Variants in RNF7 observed in about 807,000 individuals in gnomAD.
RNF7 encodes the protein RING-box protein 2.
In RNF7, 9 loss-of-function variants were observed where a neutral mutation model predicts 17.0. That is an observed-to-expected ratio of 0.53 (90% CI 0.32 to 0.92). The LOEUF is 0.92. RNF7 is among the 40% of genes least tolerant of loss of function. RNF7 has a pLI of 0.04. For synonymous variants in RNF7, 59 were observed against 50.5 expected, an observed-to-expected ratio of 1.17 and a Z score of -0.72; for missense variants, 87 against 145.8, an observed-to-expected ratio of 0.60 and a Z score of 2.08.
intron 1 of RNF7, chr3:141,742,661 C>T (rs1170694387): frequency 6.1e-6 from 7 of 1,143,896 alleles, no homozygotes; most frequent in African/African-American, 1.6e-5. Flanking sequence ...AATTGGAGTT[C>T]GTAATTGGTC....
intron 2 of RNF7, 115 bp downstream of exon 2, chr3:141,743,671 A>G (rs1387859187): frequency 4.2e-6 from 3 of 721,444 alleles, no homozygotes; most frequent in Non-Finnish European, 6.9e-6. Context: ...ACTGTAAAGC[A>G]GTGATCCATT....
intron 2 of RNF7, 21 bp downstream of exon 2, chr3:141,743,577 C>T (rs2084442816): frequency 1.3e-6 from 2 of 1,589,794 alleles, no homozygotes; most frequent in Admixed American, 3.6e-5. Context: ...ATTTTGTTCT[C>T]TTGCTTTTTC....
At chr3:141,740,458 C>T (rs1483410604) in intron 1 of RNF7, among the ~76,000 whole-genome samples, 5 of 152,142 alleles carry the variant, frequency 3.3e-5, no homozygotes, top group African/African-American at 1.2e-4. Context: ...ATAAATGACA[C>T]ATTTCATCAT....
intron 1 of RNF7, 90 bp downstream of exon 1, chr3:141,738,606 C>T (rs973580617): frequency 2.8e-5 from 37 of 1,344,496 alleles, no homozygotes; most frequent in Non-Finnish European, 3.3e-5. Flanking sequence ...TCAGAAGCCT[C>T]GGAAAGTGCC....
In RNF7 at chr3:141,746,743, T is replaced by A. The variant is rs907278929; in HGVS notation, c.*1466T>A. 6.6e-6 allele frequency: 1 copy of A among 152,066 alleles called. No homozygotes were observed. The highest frequency in any genetic ancestry group is 2.1e-4 in the South Asian group (1 of 4,822). The allele number at this position is 152,066 out of a possible 1,614,324, so 9.4% of individuals were successfully genotyped here. On this transcript the variant is annotated 3_prime_UTR_variant, in exon 3 of 3. Transcript: ENST00000273480. ...AATTTTTCAATCTAAGGGATGTGGA[T>A]ACATAGAATGTTTAAAAAGATAACA...
rs76285412 is a variant in RNF7 at position 141,745,873 on chromosome 3, C to T, written c.*596C>T. On this transcript the variant is annotated 3_prime_UTR_variant, in exon 3 of 3. Coordinates refer to ENST00000273480, the MANE Select transcript of RNF7 (RefSeq NM_014245.5). The stretch of plus-strand genomic sequence containing the variant: ...TGCCTTTAAAGTTACTATTCTGTAT[C>T]ATTGATTCATCAAGAAAACCTAGAT... 2 of 151,974 alleles carry T rather than the reference C, an allele frequency of 1.3e-5. No individual in the cohort carries two copies. Among genetic ancestry groups the T allele is most frequent in the South Asian group, 4.2e-4 (2 of 4,814 alleles). The allele number at this position is 151,974 out of a possible 1,614,324, so 9.4% of individuals were successfully genotyped here. A position where few individuals can be genotyped will look rare whatever the true frequency, so the allele number is the denominator to read the frequency against.
intron 1 of RNF7, among the ~76,000 whole-genome samples, chr3:141,741,596 T>C (rs183061681): frequency 3.2e-4 from 49 of 152,350 alleles, no homozygotes; most frequent in Non-Finnish European, 4.7e-4. Context: ...CAAACTTCCT[T>C]TTACCCAACT....
At chr3:141,742,529 A>T (rs980168848) in intron 1 of RNF7, 34 of 885,666 alleles carry the variant, frequency 3.8e-5, no homozygotes, top group Non-Finnish European at 5.2e-5. Context: ...CAAAGAAAAA[A>T]CCTTAGTGTT....
chr3:141,740,617 C>T (rs1425767986), intron 1 of RNF7, among the ~76,000 whole-genome samples: 1 of 152,194 alleles, frequency 6.6e-6, no homozygotes, highest in Non-Finnish European at 1.5e-5. Context: ...GGTCAGGTGA[C>T]AGCAGAAGGA....
intron 1 of RNF7, among the ~76,000 whole-genome samples, chr3:141,740,741 T>A (rs1577898364): frequency 6.6e-6 from 1 of 152,252 alleles, no homozygotes; most frequent in African/African-American, 2.4e-5. Flanking sequence ...AGCAATTTTT[T>A]ATCTTTTATC....
intron 1 of RNF7, among the ~76,000 whole-genome samples, chr3:141,739,348 A>C (rs566852403): frequency 1.2e-4 from 19 of 152,132 alleles, no homozygotes; most frequent in Non-Finnish European, 2.4e-4. Context: ...TCTTTCTGTG[A>C]TATTTTGAGT....
At chr3:141,738,744 G>GCGC (rs1391115674) in intron 1 of RNF7, among the ~76,000 whole-genome samples, 2 of 152,272 alleles carry the variant, frequency 1.3e-5, no homozygotes, top group African/African-American at 4.8e-5. Context: ...CAGGCGCCCT[G>GCGC]CGCCGGGTGG....
At chr3:141,740,000 T>G (rs1300509457) in intron 1 of RNF7, among the ~76,000 whole-genome samples, 1 of 152,126 alleles carries the variant, frequency 6.6e-6, no homozygotes, top group African/African-American at 2.4e-5. Flanking sequence ...ACTGCCACTA[T>G]ACTCCAGCTT....
chr3:141,742,004 A>T (rs115219219), intron 1 of RNF7, among the ~76,000 whole-genome samples: 1,582 of 151,818 alleles, frequency 0.01, 41 homozygotes, highest in African/African-American at 0.034. Context: ...TTTTAAAAAA[A>T]CTTTTAGGTT....
intron 1 of RNF7, 75 bp downstream of exon 1, chr3:141,738,591 G>A (rs2084382268): frequency 6.2e-6 from 9 of 1,449,286 alleles, no homozygotes; most frequent in South Asian, 1.4e-5. Context: ...AGGGACGGGC[G>A]TCCGTCAGAA....
intron 2 of RNF7, 152 bp from the exon 3 acceptor site, chr3:141,745,007 T>C: frequency 2.0e-6 from 1 of 509,128 alleles, no homozygotes; most frequent in Non-Finnish European, 3.6e-6. Flanking sequence ...CACATTTAAG[T>C]TTCTGTTTCT....
At chr3:141,744,859 G>C (rs1262590499) in intron 2 of RNF7, among the ~76,000 whole-genome samples, 1 of 152,138 alleles carries the variant, frequency 6.6e-6, no homozygotes, top group Non-Finnish European at 1.5e-5. Context: ...ATCTAAGGAA[G>C]GTTCAAGAAC....
At position 141,745,248 on chromosome 3, in the gene RNF7, G is replaced by A; in HGVS notation, c.313G>A (p.Asp105Asn). ...CAATCGCTGCCCTCTCTGCCAGCAG[G>A]ACTGGGTGGTCCAAAGAATCGGCAA... is the stretch of plus-strand genomic sequence containing the variant. ...QNNRCPLCQQDWVVQRIGK is the reference protein window; with the variant it reads ...QNNRCPLCQQNWVVQRIGK The change falls in exon 3 of 3, where the codon GAC becomes AAC. Residue 105 changes from aspartate to asparagine, a missense_variant. This residue lies in a region of RNF7 where 36 missense variants were observed against 104.7 expected (regional missense o/e 0.34). Transcript: ENST00000273480. The A allele has an allele frequency of 6.2e-7, 1 of 1,612,462 alleles. No individual in the cohort carries two copies. Among genetic ancestry groups the A allele is most frequent in the Non-Finnish European group, 8.5e-7 (1 of 1,179,728 alleles).
intron 1 of RNF7, among the ~76,000 whole-genome samples, chr3:141,740,824 A>G (rs1183330617): frequency 2.6e-5 from 4 of 152,180 alleles, no homozygotes; most frequent in Non-Finnish European, 5.9e-5. Flanking sequence ...TGTAATTTAG[A>G]GATTCCTAAA....
Sources: gnomAD v4.1 joint callset for allele counts (sites outside exome capture counted in the v4.1 genomes callset) on GRCh38, gnomAD v4.1.1 for gene constraint, gnomAD v4.1.1 regional missense constraint, MANE v1.5 for transcripts, NCBI Gene and HGNC (gene_info 2026-07-23, HGNC 2026-07-21) for gene names.